The following GRIN2B variants were observed in gnomAD, a reference collection of about 807,000 sequenced individuals.
GRIN2B encodes glutamate receptor ionotropic, NMDA 2B.
GRIN2B carries 5 observed loss-of-function variants against 114.5 expected under a neutral mutation model. That is an observed-to-expected ratio of 0.04 (90% CI 0.02 to 0.09). GRIN2B has a LOEUF of 0.09. Ranked by LOEUF, GRIN2B falls within the 10% of genes least tolerant of loss-of-function variation. The pLI, the probability that GRIN2B is intolerant of heterozygous loss-of-function variation, is 1.00. For synonymous variants in GRIN2B, 787 were observed against 745.1 expected, an observed-to-expected ratio of 1.06 and a Z score of -0.92; for missense variants, 1,108 against 1,943.5, an observed-to-expected ratio of 0.57 and a Z score of 8.08.
At chr12:13,943,661 C>A (rs547955219) in intron 2 of GRIN2B, among the ~76,000 whole-genome samples, 3 of 152,156 alleles carry the variant, frequency 2.0e-5, no homozygotes, top group Non-Finnish European at 4.4e-5. Flanking sequence ...CAGCCTGGGA[C>A]GCTCTCATCC....
chr12:13,740,967 T>C (rs941474276), intron 4 of GRIN2B, among the ~76,000 whole-genome samples: 3 of 152,222 alleles, frequency 2.0e-5, no homozygotes, highest in African/African-American at 7.2e-5. Context: ...ACTCCCAGGC[T>C]GATTCTAGAT....
chr12:13,632,369 T>G lies in GRIN2B; in HGVS notation c.1126-15712A>C, dbSNP rs555022511. Reference sequence around the variant, plus strand: ...TCAATCTGCAGGAATCACCACAAAATGGGGTTGGGCCAGCCCAGGAGAATA... The same window carrying G: ...TCAATCTGCAGGAATCACCACAAAAGGGGGTTGGGCCAGCCCAGGAGAATA... On this transcript the variant is annotated intron_variant, in intron 5 of 13. Coordinates refer to ENST00000609686, the MANE Select transcript of GRIN2B (RefSeq NM_000834.5). Among the ~76,000 whole-genome samples, 1,049 of 152,282 alleles carry G rather than the reference T, an allele frequency of 6.9e-3. 5 individuals are homozygous for G. Among genetic ancestry groups the G allele is most frequent in the Middle Eastern group, 0.024 (7 of 294 alleles).
In GRIN2B at chr12:13,737,883, G is replaced by T. The variant is rs575522336; in HGVS notation, c.1010+15434C>A. On this transcript the variant is annotated intron_variant, in intron 4 of 13. Coordinates refer to ENST00000609686, the MANE Select transcript of GRIN2B (RefSeq NM_000834.5). ...AAGTTTCCAAGTGTTTAATCAGATAGATTACATTACCCTACCCATAATTCT... is the reference window on the plus strand; with the variant it reads ...AAGTTTCCAAGTGTTTAATCAGATATATTACATTACCCTACCCATAATTCT... 2.6e-5 allele frequency among the ~76,000 whole-genome samples: 4 copies of T among 152,244 alleles called. No individual in the cohort carries two copies. In the South Asian group the frequency reaches 8.3e-4, roughly 32 times the overall value.
chr12:13,856,040 G>A (rs1379051880), intron 3 of GRIN2B, among the ~76,000 whole-genome samples: 1 of 152,190 alleles, frequency 6.6e-6, no homozygotes, highest in African/African-American at 2.4e-5. Context: ...AGCACGAAGA[G>A]GGCACAGGTG....
At chr12:13,676,259 T>C (rs904264366) in intron 4 of GRIN2B, among the ~76,000 whole-genome samples, 2 of 152,062 alleles carry the variant, frequency 1.3e-5, no homozygotes, top group African/African-American at 2.4e-5. Flanking sequence ...ATTTAGGTGA[T>C]GGGTTGATAG....
chr12:13,847,770 G>T (rs1164151901), intron 3 of GRIN2B, among the ~76,000 whole-genome samples: 1 of 152,142 alleles, frequency 6.6e-6, no homozygotes, highest in Admixed American at 6.5e-5. Flanking sequence ...GCATGCACAG[G>T]CAGGCTGAGA....
intron 2 of GRIN2B, among the ~76,000 whole-genome samples, chr12:13,921,648 G>A (rs1866826443): frequency 1.3e-5 from 2 of 152,072 alleles, no homozygotes; most frequent in South Asian, 4.1e-4. Flanking sequence ...CAGTATTGGG[G>A]AGGTTGAAAG....
intron 2 of GRIN2B, among the ~76,000 whole-genome samples, chr12:13,926,236 A>T (rs747143922): frequency 6.6e-6 from 1 of 152,184 alleles, no homozygotes; most frequent in Non-Finnish European, 1.5e-5. Context: ...ATCTTTAAAA[A>T]GCCACTCCAG....
chr12:13,607,368 T>A (rs1391049125), intron 10 of GRIN2B, among the ~76,000 whole-genome samples: 50 of 32,420 alleles, frequency 1.5e-3, no homozygotes, highest in African/African-American at 4.6e-3. Flanking sequence ...TAATATATAT[T>A]ATATATTATA....
At chr12:13,865,770 G>C (rs1287674328) in intron 3 of GRIN2B, 28 bp downstream of exon 3, 6 of 1,573,412 alleles carry the variant, frequency 3.8e-6, no homozygotes, top group Non-Finnish European at 5.2e-6. Context: ...CAAACCCTCA[G>C]GCCCTTCTCC....
intron 10 of GRIN2B, among the ~76,000 whole-genome samples, chr12:13,595,984 G>A (rs1295430865): frequency 1.3e-5 from 2 of 151,734 alleles, no homozygotes; most frequent in South Asian, 2.1e-4. Flanking sequence ...GTAAAGGCAT[G>A]TGAGTTAATA....
chr12:13,888,228 C>T (rs1454238138), intron 2 of GRIN2B, among the ~76,000 whole-genome samples: 3 of 152,124 alleles, frequency 2.0e-5, no homozygotes, highest in Non-Finnish European at 4.4e-5. Context: ...ATTGTGTGAA[C>T]ATCACAGAGT....
At chr12:13,880,357 G>A (rs1038411868) in intron 2 of GRIN2B, among the ~76,000 whole-genome samples, 1 of 152,230 alleles carries the variant, frequency 6.6e-6, no homozygotes, top group African/African-American at 2.4e-5. Flanking sequence ...AATGTTTGGA[G>A]AAAAGCTGAA....
intron 4 of GRIN2B, among the ~76,000 whole-genome samples, chr12:13,692,695 A>C (rs892295544): frequency 1.3e-4 from 20 of 149,176 alleles, no homozygotes; most frequent in Admixed American, 1.3e-4. Flanking sequence ...GTCTCTGGTT[A>C]CCCGAGACCC....
At chr12:13,678,378 T>C (rs916638182) in intron 4 of GRIN2B, among the ~76,000 whole-genome samples, 2 of 152,146 alleles carry the variant, frequency 1.3e-5, no homozygotes, top group African/African-American at 2.4e-5. Context: ...GCCATCGCTA[T>C]TGGAGTCAAC....
intron 5 of GRIN2B, among the ~76,000 whole-genome samples, chr12:13,650,864 G>A (rs1949806136): frequency 6.6e-6 from 1 of 151,770 alleles, no homozygotes. Flanking sequence ...TGTCTTTTTT[G>A]TTACTGAACC....
intron 3 of GRIN2B, among the ~76,000 whole-genome samples, chr12:13,861,877 C>T (rs535438265): frequency 6.6e-6 from 1 of 152,204 alleles, no homozygotes; most frequent in African/African-American, 2.4e-5. Flanking sequence ...TCCACATGGC[C>T]TTCAGCTTCA....
intron 5 of GRIN2B, among the ~76,000 whole-genome samples, chr12:13,636,253 G>A (rs1949664698): frequency 6.6e-6 from 1 of 152,206 alleles, no homozygotes; most frequent in Admixed American, 6.5e-5. Flanking sequence ...GGCTAGTATA[G>A]CTGGAGAACC....
rs147178421 is a variant in GRIN2B, at chr12:13,710,797, T to C, written c.1011-34938A>G. ...AATCAATACTGTGAAAATGGCCATA[T>C]TGCCCAAGGTAATTTATAGATTCAA... On this transcript the variant is annotated intron_variant, in intron 4 of 13. Transcript: ENST00000609686. Among the ~76,000 whole-genome samples the C allele has an allele frequency of 3.9e-3, 591 of 152,132 alleles. 5 individuals carry two copies. The highest frequency in any genetic ancestry group is 4.0e-3 in the Non-Finnish European group (274 of 67,972).
Sources: gnomAD v4.1 joint callset for allele counts (sites outside exome capture counted in the v4.1 genomes callset) on GRCh38, gnomAD v4.1.1 for gene constraint, MANE v1.5 for transcripts, NCBI Gene and HGNC (gene_info 2026-07-23, HGNC 2026-07-21) for gene names.